ADGRF5: variants seen among roughly 807,000 people sequenced by gnomAD.
ADGRF5 encodes adhesion G protein-coupled receptor F5.
A neutral mutation model predicts 132.3 loss-of-function variants in ADGRF5; 75 were observed. That is an observed-to-expected ratio of 0.57 (90% CI 0.47 to 0.69). The LOEUF (loss-of-function observed/expected upper bound fraction) is 0.69. ADGRF5 is among the 30% of genes least tolerant of loss of function. The pLI is 0.00. For synonymous variants in ADGRF5, 629 were observed against 597.6 expected, an observed-to-expected ratio of 1.05 and a Z score of -0.77; for missense variants, 1,516 against 1,630.6, an observed-to-expected ratio of 0.93 and a Z score of 1.21.
intron 10 of ADGRF5, among the ~76,000 whole-genome samples, chr6:46,872,710 T>C (rs1464330656): frequency 6.6e-6 from 1 of 152,140 alleles, no homozygotes; most frequent in African/African-American, 2.4e-5. Flanking sequence ...ATCTTTCCTA[T>C]TGCCTCGGGT....
At chr6:46,915,719 AT>A in intron 1 of ADGRF5, among the ~76,000 whole-genome samples, 1 of 152,006 alleles carries the variant, frequency 6.6e-6, no homozygotes, top group South Asian at 2.1e-4. Flanking sequence ...GAAAAAAAAA[AT>A]ATTACTTTAT....
intron 5 of ADGRF5, 54 bp downstream of exon 5, chr6:46,884,041 C>A: frequency 7.0e-7 from 1 of 1,425,170 alleles, no homozygotes; most frequent in South Asian, 1.2e-5. Flanking sequence ...CATGCCCAGT[C>A]GTAAACTGAT....
chr6:46,910,516 C>T (rs1384583931), intron 1 of ADGRF5, among the ~76,000 whole-genome samples: 1 of 152,088 alleles, frequency 6.6e-6, no homozygotes, highest in African/African-American at 2.4e-5. Flanking sequence ...TCTCAAGGAG[C>T]CTCTGATACT....
intron 11 of ADGRF5, chr6:46,869,302 T>G: frequency 7.1e-7 from 1 of 1,408,088 alleles, no homozygotes; most frequent in Non-Finnish European, 9.2e-7. Flanking sequence ...TGCTCTGCAC[T>G]GTACTCATTT....
chr6:46,881,630 T>A lies in ADGRF5; in HGVS notation c.672-33A>T, dbSNP rs114536794. 6.2e-6 allele frequency: 10 copies of A among 1,601,242 alleles called. No individual in the cohort carries two copies. In the South Asian group the frequency reaches 1.1e-4, roughly 18 times the overall value. On this transcript the variant is annotated intron_variant, in intron 7 of 20. Coordinates refer to ENST00000283296, the MANE Select transcript of ADGRF5 (RefSeq NM_001098518.2). ...GAGACCACTCAGTTCAGTAAAACAA[T>A]AACTGACCTGGAAGAGTCTAGATAT...
intron 10 of ADGRF5, among the ~76,000 whole-genome samples, chr6:46,877,267 C>T (rs930208415): frequency 1.3e-4 from 5 of 39,906 alleles, no homozygotes; most frequent in African/African-American, 7.9e-4. Flanking sequence ...TTCTTTCTTT[C>T]TTTCTTTCTT....
chr6:46,888,496 T>C lies in ADGRF5; in HGVS notation c.167A>G (p.Lys56Arg). 1 of 1,612,514 alleles carries C rather than the reference T, an allele frequency of 6.2e-7. No homozygotes were observed. Among genetic ancestry groups the C allele is most frequent in the Non-Finnish European group, 8.5e-7 (1 of 1,178,630 alleles). The change falls in exon 4 of 21, where the codon AAA (lysine) becomes AGA (arginine). Residue 56 changes from lysine to arginine, a missense_variant. Physicochemically the swap from Lys to Arg is conservative, Grantham distance 26 (BLOSUM62 2). Transcript: ENST00000283296. ...ALRQKRAVAT[K>R]SPTAEEYTVN... ...AGTGTATTCTTCAGCCGTAGGACTT[T>C]TTGTGGCAACTGCAATGAAAGCACA...
At chr6:46,896,295 C>T (rs1050128849) in intron 3 of ADGRF5, among the ~76,000 whole-genome samples, 3 of 152,156 alleles carry the variant, frequency 2.0e-5, no homozygotes, top group African/African-American at 7.2e-5. Flanking sequence ...TCTCTGCTCC[C>T]TTACAGCCAC....
At chr6:46,899,960 T>G (rs1581915363) in intron 3 of ADGRF5, 69 bp downstream of exon 3, 1 of 1,076,120 alleles carries the variant, frequency 9.3e-7, no homozygotes, top group East Asian at 2.4e-5. Flanking sequence ...CTACAATGTT[T>G]TAAAAAGTTG....
intron 9 of ADGRF5, among the ~76,000 whole-genome samples, chr6:46,879,486 C>T (rs1772204997): frequency 6.6e-6 from 1 of 152,090 alleles, no homozygotes; most frequent in African/African-American, 2.4e-5. Context: ...ACCCTCTCTC[C>T]CTCTCCTGCT....
intron 3 of ADGRF5, among the ~76,000 whole-genome samples, chr6:46,895,475 C>T: frequency 6.6e-6 from 1 of 151,288 alleles, no homozygotes; most frequent in Non-Finnish European, 1.5e-5. Context: ...CACGGCATTT[C>T]CTAGACCCAG....
intron 3 of ADGRF5, among the ~76,000 whole-genome samples, chr6:46,898,867 C>A (rs1316924667): frequency 6.6e-6 from 1 of 152,154 alleles, no homozygotes; most frequent in Non-Finnish European, 1.5e-5. Context: ...GACACTCAGC[C>A]AGCAGACGTT....
At chr6:46,913,235 C>G (rs1194865398) in intron 1 of ADGRF5, among the ~76,000 whole-genome samples, 1 of 152,046 alleles carries the variant, frequency 6.6e-6, no homozygotes, top group Admixed American at 6.6e-5. Context: ...AGGTGTCTCA[C>G]GCCTTTAATC....
chr6:46,876,308 T>A (rs781069584), intron 10 of ADGRF5, among the ~76,000 whole-genome samples: 2 of 152,216 alleles, frequency 1.3e-5, no homozygotes, highest in Non-Finnish European at 2.9e-5. Context: ...CGCCACAGAC[T>A]TCCTGATTCC....
At chr6:46,931,553 C>G (rs997743958) in intron 1 of ADGRF5, among the ~76,000 whole-genome samples, 2 of 152,158 alleles carry the variant, frequency 1.3e-5, no homozygotes, top group East Asian at 1.9e-4. Flanking sequence ...ATTCTTGTGT[C>G]TTCTATGACA....
intron 1 of ADGRF5, among the ~76,000 whole-genome samples, chr6:46,910,346 T>G (rs1775816559): frequency 6.6e-6 from 1 of 152,090 alleles, no homozygotes; most frequent in African/African-American, 2.4e-5. Flanking sequence ...TAGGATAGGA[T>G]TGTGGGTAAT....
chr6:46,944,365 G>T (rs796503967), intron 1 of ADGRF5, among the ~76,000 whole-genome samples: 15 of 152,334 alleles, frequency 9.8e-5, no homozygotes, highest in African/African-American at 3.6e-4. Flanking sequence ...CTCATGTCCT[G>T]CTGTGTCACC....
At chr6:46,914,898 C>G (rs954400579) in intron 1 of ADGRF5, among the ~76,000 whole-genome samples, 1 of 151,816 alleles carries the variant, frequency 6.6e-6, no homozygotes, top group Non-Finnish European at 1.5e-5. Context: ...CTGAGACACC[C>G]TGGCTGGAGT....
chr6:46,863,335 C>T (rs1329728824), intron 14 of ADGRF5: 3 of 590,292 alleles, frequency 5.1e-6, no homozygotes, highest in South Asian at 3.1e-5. Flanking sequence ...GAATTTTATA[C>T]CTTCATCTGG....
Sources: gnomAD v4.1 joint callset for allele counts (sites outside exome capture counted in the v4.1 genomes callset) on GRCh38, gnomAD v4.1.1 for gene constraint, MANE v1.5 for transcripts, NCBI Gene and HGNC (gene_info 2026-07-23, HGNC 2026-07-21) for gene names.